Variants in CAST observed in about 807,000 individuals in gnomAD.
CAST encodes calpastatin.
Under a neutral mutation model 119.6 loss-of-function variants are expected in CAST, and 76 were observed. That is an observed-to-expected ratio of 0.64 (90% CI 0.53 to 0.77). The LOEUF is 0.77. Ranked by LOEUF, CAST falls within the 30% of genes least tolerant of loss-of-function variation. The pLI is 0.00. For synonymous variants in CAST, 319 were observed against 331.6 expected (o/e 0.96, Z 0.41); for missense variants, 953 against 946.5 (o/e 1.01, Z -0.09).
the CAST span, among the ~76,000 whole-genome samples, chr5:96,236,118 T>C: frequency 1.0e-5 from 1 of 100,480 alleles, no homozygotes; most frequent in Non-Finnish European, 2.7e-5. Flanking sequence ...TCTGTCTATC[T>C]ATCTATCTCT....
chr5:96,539,328 G>A (rs1745874523), intron 1 of CAST, among the ~76,000 whole-genome samples: 1 of 152,148 alleles, frequency 6.6e-6, no homozygotes, highest in African/African-American at 2.4e-5. Flanking sequence ...GTTATTAAGT[G>A]CATAAATATT....
At chr5:96,579,247 C>T (rs1746728910) in intron 1 of CAST, among the ~76,000 whole-genome samples, 1 of 152,092 alleles carries the variant, frequency 6.6e-6, no homozygotes, top group Non-Finnish European at 1.5e-5. Context: ...TACAAATATG[C>T]CCCAGTGCTG....
At chr5:96,566,306 T>G (rs1272213161) in intron 1 of CAST, among the ~76,000 whole-genome samples, 1 of 152,200 alleles carries the variant, frequency 6.6e-6, no homozygotes, top group East Asian at 1.9e-4. Context: ...GACTTGTTGA[T>G]TCCATTGTTC....
chr5:96,296,203 A>G, the CAST span, among the ~76,000 whole-genome samples: 1 of 152,184 alleles, frequency 6.6e-6, no homozygotes, highest in African/African-American at 2.4e-5. Flanking sequence ...TTCCTTCTAC[A>G]GGGTTTGCTA....
chr5:96,004,537 A>G, the CAST span, among the ~76,000 whole-genome samples: 1 of 152,174 alleles, frequency 6.6e-6, no homozygotes, highest in Non-Finnish European at 1.5e-5. Context: ...AAATGGGGAG[A>G]CAGATGGATA....
At chr5:96,736,452 TA>T (rs903451189) in intron 10 of CAST, among the ~76,000 whole-genome samples, 47 of 148,746 alleles carry the variant, frequency 3.2e-4, no homozygotes, top group East Asian at 2.3e-3. Context: ...ACCCCTTTTT[TA>T]AAAAAAAACA....
chr5:96,150,047 A>C, the CAST span, among the ~76,000 whole-genome samples: 5 of 152,088 alleles, frequency 3.3e-5, no homozygotes, highest in African/African-American at 1.2e-4. Flanking sequence ...TTAAATACCC[A>C]CTGGGAGTTT....
the CAST span, among the ~76,000 whole-genome samples, chr5:96,020,771 A>C: frequency 1.3e-5 from 2 of 152,064 alleles, no homozygotes; most frequent in African/African-American, 4.8e-5. Context: ...AATAGAAATA[A>C]ATTTTGCACA....
At chr5:96,198,778 G>A in the CAST span, among the ~76,000 whole-genome samples, 3 of 152,290 alleles carry the variant, frequency 2.0e-5, no homozygotes, top group Middle Eastern at 3.4e-3. Flanking sequence ...TGTTTGACAA[G>A]ACATCATTCC....
chr5:96,246,199 T>TTTTTTTTTTTTTTTC, the CAST span, among the ~76,000 whole-genome samples: 13 of 135,372 alleles, frequency 9.6e-5, 2 homozygotes, highest in Admixed American at 9.8e-4. Context: ...TTTTTTTTTT[T>TTTTTTTTTTTTTTTC]TGAGACGGAG....
chr5:95,981,349 T>G, the CAST span, among the ~76,000 whole-genome samples: 1 of 152,366 alleles, frequency 6.6e-6, no homozygotes, highest in African/African-American at 2.4e-5. Flanking sequence ...GAACAACTTC[T>G]GCCCCTAAAA....
the CAST span, among the ~76,000 whole-genome samples, chr5:96,335,207 A>C: frequency 6.6e-6 from 1 of 152,048 alleles, no homozygotes; most frequent in Non-Finnish European, 1.5e-5. Context: ...CTCTTCTTCT[A>C]TTTCATCCAA....
At chr5:96,561,140 G>C (rs577167993) in intron 1 of CAST, among the ~76,000 whole-genome samples, 1 of 148,784 alleles carries the variant, frequency 6.7e-6, no homozygotes, top group African/African-American at 2.5e-5. Context: ...CTCACAGATG[G>C]GAGTTGAACA....
chr5:96,325,905 C>T, the CAST span, among the ~76,000 whole-genome samples: 1 of 152,156 alleles, frequency 6.6e-6, no homozygotes, highest in East Asian at 1.9e-4. Context: ...ATACAAAGAC[C>T]CAACTTGGCG....
chr5:96,204,159 C>T, the CAST span, among the ~76,000 whole-genome samples: 1 of 152,170 alleles, frequency 6.6e-6, no homozygotes, highest in Admixed American at 6.5e-5. Flanking sequence ...CTTATTTCCT[C>T]TTAATACCCA....
intron 6 of CAST, chr5:96,728,772 T>C (rs1270096051): frequency 2.4e-5 from 4 of 166,522 alleles, no homozygotes; most frequent in Admixed American, 1.2e-4. Flanking sequence ...CCACCGCGCC[T>C]GGCCTAAAAT....
At chr5:96,218,333 A>G in the CAST span, among the ~76,000 whole-genome samples, 2 of 152,220 alleles carry the variant, frequency 1.3e-5, no homozygotes. Flanking sequence ...GAGGCCCTAT[A>G]TTATGCCTGT....
At chr5:96,365,770 C>A in the CAST span, among the ~76,000 whole-genome samples, 40 of 152,132 alleles carry the variant, frequency 2.6e-4, no homozygotes, top group Non-Finnish European at 4.6e-4. Context: ...GGTCTTGACT[C>A]TTTATCCAAT....
intron 1 of CAST, among the ~76,000 whole-genome samples, chr5:96,606,352 G>A (rs1747254910): frequency 6.6e-6 from 1 of 152,188 alleles, no homozygotes; most frequent in African/African-American, 2.4e-5. Flanking sequence ...TAATTTCTCT[G>A]AGTGTCAGAT....
Sources: allele counts gnomAD v4.1 joint callset (sites outside exome capture counted in the v4.1 genomes callset), GRCh38; gene constraint gnomAD v4.1.1; transcripts MANE v1.5; gene names NCBI Gene and HGNC (gene_info 2026-07-23, HGNC 2026-07-21).